Variants in SLC18A2 observed in about 807,000 individuals in gnomAD.
SLC18A2 encodes synaptic vesicular amine transporter.
SLC18A2 carries 33 observed loss-of-function variants against 59.2 expected under a neutral mutation model. That is an observed-to-expected ratio of 0.56 (90% CI 0.42 to 0.75). SLC18A2 has a LOEUF of 0.75. Among genes scored for constraint, SLC18A2 ranks in the 30% least tolerant of loss-of-function variants. The pLI, the probability that SLC18A2 is intolerant of heterozygous loss-of-function variation, is 0.00. For missense variants in SLC18A2, 569 were observed against 668.6 expected (o/e 0.85, Z 1.64); for synonymous variants, 228 against 253.5 (o/e 0.90, Z 0.95).
At chr10:117,264,546 G>A (rs914917994) in intron 10 of SLC18A2, among the ~76,000 whole-genome samples, 1 of 152,202 alleles carries the variant, frequency 6.6e-6, no homozygotes, top group Admixed American at 6.5e-5. Flanking sequence ...CCTCAGGGGA[G>A]TGAATGGCCA....
chr10:117,260,441 T>C (rs1185060642), intron 10 of SLC18A2, among the ~76,000 whole-genome samples: 1 of 151,996 alleles, frequency 6.6e-6, no homozygotes, highest in African/African-American at 2.4e-5. Flanking sequence ...TGCTCACTTC[T>C]TCCTCGTATT....
intron 15 of SLC18A2, among the ~76,000 whole-genome samples, chr10:117,273,344 A>G (rs1156242917): frequency 6.6e-6 from 1 of 152,232 alleles, no homozygotes; most frequent in Admixed American, 6.5e-5. Context: ...TTCACTCTCA[A>G]AATTCCCAGT....
rs1239509422 is a variant in SLC18A2 at position 117,278,091 on chromosome 10, G to C, written c.*825G>C. The C allele has an allele frequency of 6.6e-6, 1 of 152,136 alleles. No individual in the cohort carries two copies. Among genetic ancestry groups the C allele is most frequent in the Non-Finnish European group, 1.5e-5 (1 of 68,018 alleles). The allele number at this position is 152,136 out of a possible 1,614,324, so 9.4% of individuals were successfully genotyped here. A position where few individuals can be genotyped will look rare whatever the true frequency, so the allele number is the denominator to read the frequency against. On this transcript the variant is annotated 3_prime_UTR_variant, in exon 16 of 16. Coordinates refer to ENST00000644641, the MANE Select transcript of SLC18A2 (RefSeq NM_003054.6). ...GGGTACATGTACCTTATACTGTCAA[G>C]GTTGTTTAAACATGATAAGGTTAAT...
chr10:117,243,116 A>ACG (rs138394621), intron 2 of SLC18A2, among the ~76,000 whole-genome samples: 10,801 of 152,268 alleles, frequency 0.071, 566 homozygotes, highest in Admixed American at 0.16. Context: ...ATTCCCACTC[A>ACG]TAATAGAAGG....
intron 5 of SLC18A2, 37 bp from the exon 6 acceptor site, chr10:117,254,368 C>T (rs776580598): frequency 3.3e-5 from 50 of 1,512,048 alleles, no homozygotes; most frequent in Non-Finnish European, 3.0e-5. Context: ...TGCTGTTCCC[C>T]GGAGCTGGCC....
rs1255808879 is a variant in SLC18A2 at position 117,265,101 on chromosome 10, G to A, written c.992-1632G>A. ...ATCAGATTACACTGAACAATTATTTGACCACCACATATTGCTAAGCATGAC... is the reference window on the plus strand; with the variant it reads ...ATCAGATTACACTGAACAATTATTTAACCACCACATATTGCTAAGCATGAC... On this transcript the variant is annotated intron_variant, in intron 10 of 15. Coordinates refer to ENST00000644641, the MANE Select transcript of SLC18A2 (RefSeq NM_003054.6). Among the ~76,000 whole-genome samples, 6 of 152,214 alleles carry A rather than the reference G, an allele frequency of 3.9e-5. 1 individual carries two copies. Among genetic ancestry groups the A allele is most frequent in the Non-Finnish European group, 8.8e-5 (6 of 68,046 alleles).
At chr10:117,246,649 A>C (rs1257486787) in intron 3 of SLC18A2, among the ~76,000 whole-genome samples, 1 of 149,552 alleles carries the variant, frequency 6.7e-6, no homozygotes, top group Non-Finnish European at 1.5e-5. Flanking sequence ...AAGGACAAAC[A>C]AATTTTTTTT....
intron 1 of SLC18A2, among the ~76,000 whole-genome samples, chr10:117,241,430 G>A (rs1268872358): frequency 1.3e-5 from 2 of 151,912 alleles, no homozygotes; most frequent in Non-Finnish European, 2.9e-5. Context: ...GGGGATCAGG[G>A]CAGCGTCCTG....
At chr10:117,266,640 C>T in intron 10 of SLC18A2, 93 bp from the exon 11 acceptor site, 2 of 993,104 alleles carry the variant, frequency 2.0e-6, no homozygotes, top group Non-Finnish European at 3.1e-6. Context: ...GTTTTATCTG[C>T]TCTCATCAAC....
At position 117,253,417 on chromosome 10, in the gene SLC18A2, C is replaced by T; in HGVS notation, c.483C>T (p.Pro161=). Reference sequence around the variant, plus strand: ...TTTGCAGAATTGGCTATCCAATTCCCATATTTGCGGGATTCTGCATCATGT... The same window carrying T: ...TTTGCAGAATTGGCTATCCAATTCCTATATTTGCGGGATTCTGCATCATGT... ...LLTNRIGYPI[P]IFAGFCIMFV... The change falls in exon 4 of 16, where the codon CCC becomes CCT. Residue 161 remains proline, a synonymous_variant. Transcript: ENST00000644641. The T allele has an allele frequency of 6.2e-7, 1 of 1,613,778 alleles. No individual in the cohort carries two copies. The highest frequency in any genetic ancestry group is 8.5e-7 in the Non-Finnish European group (1 of 1,179,734).
At chr10:117,258,083 G>A (rs1175183482) in intron 10 of SLC18A2, among the ~76,000 whole-genome samples, 191 bp downstream of exon 10, 2 of 152,190 alleles carry the variant, frequency 1.3e-5, no homozygotes, top group African/African-American at 4.8e-5. Context: ...TCATCCCTGA[G>A]GGGTGCAGAA....
chr10:117,261,760 G>A (rs527876390), intron 10 of SLC18A2, among the ~76,000 whole-genome samples: 1 of 152,322 alleles, frequency 6.6e-6, no homozygotes, highest in South Asian at 2.1e-4. Flanking sequence ...AATGGCCGGG[G>A]GAGAGGGGGT....
At chr10:117,261,969 A>G (rs1479431790) in intron 10 of SLC18A2, among the ~76,000 whole-genome samples, 1 of 151,874 alleles carries the variant, frequency 6.6e-6, no homozygotes, top group Non-Finnish European at 1.5e-5. Context: ...GTGCAGTGGC[A>G]CGATCTCAGC....
At chr10:117,274,496 G>T (rs1336501137) in intron 15 of SLC18A2, among the ~76,000 whole-genome samples, 1 of 152,096 alleles carries the variant, frequency 6.6e-6, no homozygotes, top group African/African-American at 2.4e-5. Flanking sequence ...TAGGAATAAG[G>T]TAGTGATGAC....
chr10:117,271,278 T>C (rs1844422826), intron 15 of SLC18A2, among the ~76,000 whole-genome samples: 1 of 152,210 alleles, frequency 6.6e-6, no homozygotes, highest in Non-Finnish European at 1.5e-5. Context: ...ACATGCATTT[T>C]TGTGTTTGAA....
At chr10:117,255,827 C>T (rs985607600) in intron 9 of SLC18A2, among the ~76,000 whole-genome samples, 170 bp downstream of exon 9, 13 of 152,304 alleles carry the variant, frequency 8.5e-5, no homozygotes, top group East Asian at 1.9e-4. Context: ...GGTTTTCTTC[C>T]GCCATTGCTT....
intron 10 of SLC18A2, among the ~76,000 whole-genome samples, chr10:117,260,411 G>A (rs1844281899): frequency 1.3e-5 from 2 of 152,182 alleles, no homozygotes; most frequent in Non-Finnish European, 2.9e-5. Flanking sequence ...GAAGATTCCA[G>A]CATTCTCTGC....
intron 15 of SLC18A2, among the ~76,000 whole-genome samples, chr10:117,272,264 T>C (rs1187822090): frequency 1.3e-5 from 2 of 152,208 alleles, no homozygotes; most frequent in African/African-American, 2.4e-5. Flanking sequence ...AGTCCAGCAA[T>C]ACCTGAATTT....
chr10:117,261,589 C>G (rs189050812), intron 10 of SLC18A2, among the ~76,000 whole-genome samples: 509 of 152,286 alleles, frequency 3.3e-3, no homozygotes, highest in Non-Finnish European at 5.7e-3. Flanking sequence ...TCACAGGCAT[C>G]CAGCCCTGGG....
Sources: allele counts gnomAD v4.1 joint callset (sites outside exome capture counted in the v4.1 genomes callset), GRCh38; gene constraint gnomAD v4.1.1; transcripts MANE v1.5; gene names NCBI Gene and HGNC (gene_info 2026-07-23, HGNC 2026-07-21).